Variants in LEKR1 observed in about 807,000 individuals in gnomAD.
LEKR1 encodes the protein protein LEKR1.
LEKR1 carries 59 observed loss-of-function variants against 72.4 expected under a neutral mutation model. The ratio of observed to expected loss-of-function variants is 0.82; its 90% CI spans 0.66 to 1.01. LEKR1 has a LOEUF of 1.01. LEKR1 is among the 50% of genes least tolerant of loss of function. LEKR1 has a pLI of 0.00. For missense variants in LEKR1, 728 were observed against 759.2 expected (o/e 0.96, Z 0.48); for synonymous variants, 257 against 263.2 (o/e 0.98, Z 0.23).
chr3:156,899,531 CACAT>C (rs879857856), intron 3 of LEKR1, among the ~76,000 whole-genome samples: 3,848 of 111,940 alleles, frequency 0.034, 138 homozygotes, highest in African/African-American at 0.059. Flanking sequence ...TACATATATA[CACAT>C]ATATACATAT....
intron 3 of LEKR1, among the ~76,000 whole-genome samples, chr3:156,899,375 T>A (rs1178611679): frequency 3.4e-5 from 4 of 117,506 alleles, no homozygotes; most frequent in Non-Finnish European, 6.7e-5. Context: ...TATATACATA[T>A]ATACACATAT....
At chr3:156,961,941 G>T (rs570052086) in intron 6 of LEKR1, among the ~76,000 whole-genome samples, 2 of 152,262 alleles carry the variant, frequency 1.3e-5, no homozygotes, top group Non-Finnish European at 2.9e-5. Flanking sequence ...TAGTATACAA[G>T]CATTCAAATT....
At chr3:157,018,508 GT>G (rs1733559049) in intron 10 of LEKR1, among the ~76,000 whole-genome samples, 1 of 151,960 alleles carries the variant, frequency 6.6e-6, no homozygotes, top group South Asian at 2.1e-4. Flanking sequence ...ATTAGAAATC[GT>G]TAGCAGAAAG....
At chr3:157,019,789 G>A (rs974844745) in intron 10 of LEKR1, among the ~76,000 whole-genome samples, 8 of 152,120 alleles carry the variant, frequency 5.3e-5, no homozygotes, top group African/African-American at 1.9e-4. Context: ...GGCAAATAAT[G>A]TACCCCTTAA....
At chr3:156,883,542 G>A (rs1342355298) in intron 3 of LEKR1, among the ~76,000 whole-genome samples, 3 of 152,168 alleles carry the variant, frequency 2.0e-5, no homozygotes, top group Non-Finnish European at 4.4e-5. Context: ...TTGAATTGTA[G>A]CTCCCATAAT....
chr3:157,031,221 G>C (rs1332513902), intron 12 of LEKR1, among the ~76,000 whole-genome samples: 4 of 152,104 alleles, frequency 2.6e-5, no homozygotes, highest in African/African-American at 9.7e-5. Flanking sequence ...AACTCTTCCT[G>C]CTCATTAGTT....
chr3:156,958,102 C>T (rs989538708), intron 6 of LEKR1, among the ~76,000 whole-genome samples: 1 of 152,082 alleles, frequency 6.6e-6, no homozygotes, highest in African/African-American at 2.4e-5. Flanking sequence ...TCTCAACTAG[C>T]GATGACAAGT....
intron 3 of LEKR1, among the ~76,000 whole-genome samples, chr3:156,860,547 G>A (rs935886751): frequency 5.3e-5 from 8 of 152,184 alleles, no homozygotes; most frequent in Admixed American, 2.0e-4. Context: ...TGAGTCTACA[G>A]TTTGAGACCA....
chr3:156,908,058 G>A (rs1027860378), intron 3 of LEKR1, among the ~76,000 whole-genome samples: 7 of 151,874 alleles, frequency 4.6e-5, no homozygotes, highest in African/African-American at 1.7e-4. Flanking sequence ...ATTCATTTTT[G>A]GCAAGAATAC....
intron 4 of LEKR1, among the ~76,000 whole-genome samples, chr3:156,925,447 A>C (rs1434042818): frequency 6.6e-6 from 1 of 151,774 alleles, no homozygotes; most frequent in Non-Finnish European, 1.5e-5. Flanking sequence ...CTTCATACCT[A>C]CTTCCAGGTT....
At chr3:156,883,631 A>G (rs1719732261) in intron 3 of LEKR1, among the ~76,000 whole-genome samples, 2 of 152,184 alleles carry the variant, frequency 1.3e-5, no homozygotes, top group Admixed American at 6.5e-5. Context: ...CATGGTAGTG[A>G]ATAAGTCTCA....
intron 11 of LEKR1, among the ~76,000 whole-genome samples, chr3:157,027,382 G>A (rs1236583168): frequency 6.6e-6 from 1 of 152,046 alleles, no homozygotes; most frequent in African/African-American, 2.4e-5. Flanking sequence ...AAAAAATTAT[G>A]TTAAAGAAAA....
At chr3:156,908,985 C>G (rs1371916405) in intron 3 of LEKR1, among the ~76,000 whole-genome samples, 1 of 152,152 alleles carries the variant, frequency 6.6e-6, no homozygotes, top group East Asian at 1.9e-4. Flanking sequence ...ATAATTGAAT[C>G]ATGAATCATG....
chr3:156,844,674 T>C (rs1449940172), intron 2 of LEKR1, among the ~76,000 whole-genome samples: 1 of 152,190 alleles, frequency 6.6e-6, no homozygotes, highest in Non-Finnish European at 1.5e-5. Flanking sequence ...TTCATTAGGT[T>C]GTGTGTATCA....
intron 8 of LEKR1, 45 bp from the exon 9 acceptor site, chr3:156,993,029 A>C (rs1731260482): frequency 1.0e-6 from 1 of 952,888 alleles, no homozygotes; most frequent in East Asian, 2.4e-5. Flanking sequence ...TATAAAATGT[A>C]GTATATAATG....
At chr3:157,040,004 G>A (rs754615801) in intron 12 of LEKR1, among the ~76,000 whole-genome samples, 4 of 152,138 alleles carry the variant, frequency 2.6e-5, no homozygotes, top group Non-Finnish European at 5.9e-5. Flanking sequence ...TTAGGGACAG[G>A]GACTATACCT....
rs1716128408 is a variant in LEKR1, at chr3:156,856,907, T to G, written c.263+3925T>G. Among the ~76,000 whole-genome samples the G allele has an allele frequency of 3.3e-5, 5 of 152,072 alleles. No homozygotes were observed. In the South Asian group the frequency reaches 1.0e-3, roughly 31 times the overall value. On this transcript the variant is annotated intron_variant, in intron 3 of 12. Coordinates refer to ENST00000356539, the MANE Select transcript of LEKR1 (RefSeq NM_001004316.3). ...CCAATAGTTATACCCTTTTCCTCCT[T>G]TTTCTTGTCTTATTAAATTAGATTG...
intron 6 of LEKR1, among the ~76,000 whole-genome samples, chr3:156,962,917 C>A (rs1191444077): frequency 2.0e-5 from 3 of 152,098 alleles, no homozygotes; most frequent in Non-Finnish European, 4.4e-5. Context: ...ACTCTCTTTG[C>A]CTTTTCTTTA....
At chr3:156,936,467 C>CCA (rs1725725400) in intron 5 of LEKR1, among the ~76,000 whole-genome samples, 1 of 70,054 alleles carries the variant, frequency 1.4e-5, no homozygotes, top group Non-Finnish European at 4.4e-5. Flanking sequence ...ACACACACAC[C>CCA]CCCCGTATGC....
Sources: allele counts gnomAD v4.1 joint callset (sites outside exome capture counted in the v4.1 genomes callset), GRCh38; gene constraint gnomAD v4.1.1; transcripts MANE v1.5; gene names NCBI Gene and HGNC (gene_info 2026-07-23, HGNC 2026-07-21).